Variants in RALGAPA2 observed in about 807,000 individuals in gnomAD.
RALGAPA2 encodes Ral GTPase activating protein catalytic subunit alpha 2.
RALGAPA2 carries 139 observed loss-of-function variants against 230.4 expected under a neutral mutation model. That is an observed-to-expected ratio of 0.60 (90% confidence interval 0.53 to 0.69). The LOEUF (loss-of-function observed/expected upper bound fraction) is 0.69. RALGAPA2 is among the 30% of genes least tolerant of loss of function. The pLI is 0.00. For synonymous variants in RALGAPA2, 847 were observed against 837.8 expected, an observed-to-expected ratio of 1.01 and a Z score of -0.19; for missense variants, 2,163 against 2,276.0, an observed-to-expected ratio of 0.95 and a Z score of 1.01.
intron 12 of RALGAPA2, among the ~76,000 whole-genome samples, chr20:20,617,370 A>C (rs2066180532): frequency 6.6e-6 from 1 of 152,050 alleles, no homozygotes; most frequent in Non-Finnish European, 1.5e-5. Flanking sequence ...CTAAATAAGC[A>C]CTATAATATA....
chr20:20,574,915 C>A (rs1179610024), intron 20 of RALGAPA2, among the ~76,000 whole-genome samples: 1 of 152,264 alleles, frequency 6.6e-6, no homozygotes, highest in East Asian at 1.9e-4. Context: ...GTGTTCTATC[C>A]CTCTTCTCCA....
At chr20:20,423,195 G>T (rs1426496034) in intron 37 of RALGAPA2, among the ~76,000 whole-genome samples, 1 of 152,172 alleles carries the variant, frequency 6.6e-6, no homozygotes, top group Non-Finnish European at 1.5e-5. Flanking sequence ...AAAGGGACCT[G>T]AGGAGGAGGG....
intron 19 of RALGAPA2, among the ~76,000 whole-genome samples, chr20:20,583,941 TA>T (rs749604805): frequency 2.0e-5 from 3 of 152,188 alleles, no homozygotes; most frequent in Non-Finnish European, 4.4e-5. Flanking sequence ...TATCTACTCC[TA>T]ACAGTCCCTT....
At chr20:20,564,060 C>T (rs1447078753) in intron 23 of RALGAPA2, among the ~76,000 whole-genome samples, 3 of 152,146 alleles carry the variant, frequency 2.0e-5, no homozygotes, top group Non-Finnish European at 4.4e-5. Flanking sequence ...GTGGTTTAAG[C>T]TTCTTAAAAT....
chr20:20,441,389 TG>T (rs1483826231), intron 37 of RALGAPA2, among the ~76,000 whole-genome samples: 6 of 152,328 alleles, frequency 3.9e-5, no homozygotes, highest in Admixed American at 2.0e-4. Context: ...GAGGTGAGTG[TG>T]GGTGGACCTG....
intron 4 of RALGAPA2, among the ~76,000 whole-genome samples, chr20:20,652,414 A>C (rs887035034): frequency 6.6e-6 from 1 of 152,186 alleles, no homozygotes; most frequent in Non-Finnish European, 1.5e-5. Context: ...TACTTCTTTC[A>C]TAGAGACAAT....
rs145098536 is a variant in RALGAPA2 at position 20,709,846 on chromosome 20, G to C, written c.106+2529C>G. Among the ~76,000 whole-genome samples, 10 of 152,262 alleles carry C rather than the reference G, an allele frequency of 6.6e-5. 1 individual carries two copies. The East Asian group carries it at 1.9e-3, about 29-fold the overall frequency. ...AAATACAGACTACTTTTTAGGAAAA[G>C]AGAACAAATTCATCACTATTATCAA... On this transcript the variant is annotated intron_variant, in intron 1 of 39. Transcript: ENST00000202677.
intron 23 of RALGAPA2, among the ~76,000 whole-genome samples, chr20:20,548,934 G>C (rs1250403128): frequency 6.6e-6 from 1 of 152,150 alleles, no homozygotes; most frequent in Non-Finnish European, 1.5e-5. Flanking sequence ...GTGCAAACCT[G>C]GCTAGCAAGG....
chr20:20,576,825 G>A (rs2064834334), intron 20 of RALGAPA2, among the ~76,000 whole-genome samples: 1 of 151,822 alleles, frequency 6.6e-6, no homozygotes, highest in South Asian at 2.1e-4. Flanking sequence ...TATTGGTTTC[G>A]TAGTTGTTCC....
intron 21 of RALGAPA2, 126 bp downstream of exon 21, chr20:20,572,749 G>C (rs2064686330): frequency 3.8e-6 from 3 of 790,918 alleles, no homozygotes; most frequent in Non-Finnish European, 5.6e-6. Context: ...TAATCAAATG[G>C]ACTTTGTCTA....
chr20:20,481,584 A>G (rs902768064), intron 36 of RALGAPA2, among the ~76,000 whole-genome samples: 18 of 152,358 alleles, frequency 1.2e-4, no homozygotes, highest in Non-Finnish European at 1.0e-4. Context: ...TGCCTTTATC[A>G]TGCAAGAAGT....
At chr20:20,543,646 T>C (rs1056513489) in intron 24 of RALGAPA2, among the ~76,000 whole-genome samples, 1 of 152,020 alleles carries the variant, frequency 6.6e-6, no homozygotes, top group Non-Finnish European at 1.5e-5. Context: ...AACCAAACAC[T>C]GCATGTTCTC....
chr20:20,698,339 C>G (rs940000591), intron 1 of RALGAPA2, among the ~76,000 whole-genome samples: 7 of 151,140 alleles, frequency 4.6e-5, no homozygotes, highest in Non-Finnish European at 1.5e-5. Context: ...GGCTCAATCT[C>G]GGCTCACTGC....
chr20:20,460,572 G>A (rs974801964), intron 37 of RALGAPA2, among the ~76,000 whole-genome samples: 1 of 152,188 alleles, frequency 6.6e-6, no homozygotes, highest in African/African-American at 2.4e-5. Flanking sequence ...AGGGTCCAGT[G>A]TTATGGTGTC....
At position 20,637,492 on chromosome 20, in the gene RALGAPA2, A is replaced by T. The variant is rs1268058434; in HGVS notation, c.676T>A (p.Leu226Met). Residue 226 changes from leucine to methionine, a missense_variant, in exon 8 of 40, where the codon TTG (leucine) becomes ATG (methionine). Coordinates refer to ENST00000202677, the MANE Select transcript of RALGAPA2 (RefSeq NM_020343.4). ...LKYMVIQAAS[L>M]EWKNKENQDT... is the part of the protein sequence containing the mutation. Reference sequence around the variant, plus strand: ...TGATTCTCCTTATTCTTCCACTCCAAGCTCGCAGCCTTTGGATAATATGTG... The same window carrying T: ...TGATTCTCCTTATTCTTCCACTCCATGCTCGCAGCCTTTGGATAATATGTG... The T allele has an allele frequency of 6.4e-7, 1 of 1,564,798 alleles. No individual in the cohort carries two copies. The highest frequency in any genetic ancestry group is 1.4e-5 in the African/African-American group (1 of 73,680).
At position 20,676,529 on chromosome 20, in the gene RALGAPA2, T is replaced by C. The variant is rs532180806; in HGVS notation, c.218-241A>G. Among the ~76,000 whole-genome samples, 4 of 151,652 alleles carry C rather than the reference T, an allele frequency of 2.6e-5. No individual in the cohort carries two copies. In the South Asian group the frequency reaches 8.4e-4, roughly 32 times the overall value. On this transcript the variant is annotated intron_variant, in intron 2 of 39. Transcript: ENST00000202677. ...CTGTTTGAACACAGCTTCCATGTTT[T>C]CCAACTTGTTACCAAACTATGATGG...
chr20:20,651,303 T>C (rs1328513647), intron 4 of RALGAPA2, among the ~76,000 whole-genome samples: 1 of 152,234 alleles, frequency 6.6e-6, no homozygotes, highest in Non-Finnish European at 1.5e-5. Context: ...TGCAAAAATA[T>C]ATTTGTCTGA....
At chr20:20,476,210 T>C (rs2061647008) in intron 36 of RALGAPA2, among the ~76,000 whole-genome samples, 1 of 152,068 alleles carries the variant, frequency 6.6e-6, no homozygotes, top group Non-Finnish European at 1.5e-5. Context: ...CTTTAAAAAA[T>C]ATACATGTAC....
At chr20:20,547,215 C>T (rs1006945550) in intron 23 of RALGAPA2, among the ~76,000 whole-genome samples, 2 of 152,186 alleles carry the variant, frequency 1.3e-5, no homozygotes, top group Non-Finnish European at 2.9e-5. Flanking sequence ...CAATTGGCCA[C>T]AGTTAAAGCA....
Sources: gnomAD v4.1 joint callset for allele counts (sites outside exome capture counted in the v4.1 genomes callset) on GRCh38, gnomAD v4.1.1 for gene constraint, MANE v1.5 for transcripts, NCBI Gene and HGNC (gene_info 2026-07-23, HGNC 2026-07-21) for gene names.